ARHGAP32: variants seen among roughly 807,000 people sequenced by gnomAD.
ARHGAP32 encodes the protein rho GTPase-activating protein 32.
ARHGAP32 carries 51 observed loss-of-function variants against 186.5 expected under a neutral mutation model. That is an observed-to-expected ratio of 0.27 (90% CI 0.22 to 0.35). The LOEUF is 0.35. Ranked by LOEUF, ARHGAP32 falls within the 10% of genes least tolerant of loss-of-function variation. The pLI is 1.00. For missense variants in ARHGAP32, 2,186 were observed against 2,623.5 expected (o/e 0.83, Z 3.64); for synonymous variants, 950 against 964.3 (o/e 0.99, Z 0.27).
chr11:129,200,403 G>A (rs933199695), intron 1 of ARHGAP32, among the ~76,000 whole-genome samples: 5 of 152,066 alleles, frequency 3.3e-5, no homozygotes, highest in Non-Finnish European at 7.4e-5. Context: ...GAATCATGGG[G>A]GTGGTTCCCC....
chr11:129,082,302 G>C (rs1181284716), intron 6 of ARHGAP32, among the ~76,000 whole-genome samples: 4 of 151,764 alleles, frequency 2.6e-5, no homozygotes, highest in Non-Finnish European at 5.9e-5. Context: ...ACCAAAGCAA[G>C]ACTAAGCAAA....
intron 2 of ARHGAP32, among the ~76,000 whole-genome samples, chr11:129,135,895 T>C (rs1942926964): frequency 6.6e-6 from 1 of 152,302 alleles, no homozygotes; most frequent in African/African-American, 2.4e-5. Context: ...TTCATGACAT[T>C]GGGATAGGCG....
intron 12 of ARHGAP32, among the ~76,000 whole-genome samples, chr11:128,990,584 G>A (rs1225760203): frequency 1.3e-5 from 2 of 152,208 alleles, no homozygotes; most frequent in Non-Finnish European, 2.9e-5. Context: ...TTATGGTTAT[G>A]TAGTAAAGAT....
At chr11:129,102,690 T>C (rs1250161267) in intron 5 of ARHGAP32, among the ~76,000 whole-genome samples, 3 of 152,144 alleles carry the variant, frequency 2.0e-5, no homozygotes, top group African/African-American at 7.2e-5. Context: ...AGGACACCTA[T>C]TATCCAAAAA....
At position 128,973,025 on chromosome 11, in the gene ARHGAP32, A is replaced by G; in HGVS notation, c.3481T>C (p.Leu1161=). The change falls in exon 22 of 23, where the codon TTA becomes CTA. Residue 1161 remains leucine (L), a synonymous_variant. Transcript: ENST00000682385. ...ESGEQHHQVD[L]TGNQPHQAYL... ...GCTTGATGTGGCTGATTCCCTGTTA[A>G]GTCTACTTGGTGATGTTGCTCCCCA... is the stretch of plus-strand genomic sequence containing the variant. The G allele has an allele frequency of 1.9e-6, 3 of 1,614,096 alleles. No homozygotes were observed. Among genetic ancestry groups the G allele is most frequent in the Non-Finnish European group, 2.5e-6 (3 of 1,180,028 alleles).
intron 10 of ARHGAP32, among the ~76,000 whole-genome samples, chr11:129,043,301 T>C (rs116641636): frequency 7.2e-5 from 11 of 152,068 alleles, no homozygotes; most frequent in South Asian, 4.1e-4. Flanking sequence ...CTGGATTGAG[T>C]TGAATTATGT....
chr11:129,046,554 A>G (rs902529419), intron 10 of ARHGAP32, among the ~76,000 whole-genome samples: 1 of 152,178 alleles, frequency 6.6e-6, no homozygotes, highest in East Asian at 1.9e-4. Context: ...ACAGACTGTA[A>G]TCTGGTTCTT....
At chr11:129,093,226 A>C (rs1346148094) in intron 6 of ARHGAP32, among the ~76,000 whole-genome samples, 1 of 152,058 alleles carries the variant, frequency 6.6e-6, no homozygotes, top group Non-Finnish European at 1.5e-5. Flanking sequence ...GTGATCAATA[A>C]ATATCTTTCC....
chr11:129,222,443 GCTACA>G (rs1944724253), intron 1 of ARHGAP32, among the ~76,000 whole-genome samples: 1 of 152,134 alleles, frequency 6.6e-6, no homozygotes, highest in Admixed American at 6.6e-5. Context: ...GCTATGCCCT[GCTACA>G]CTACAAGACA....
chr11:128,971,590 G>C (rs1945375481), intron 22 of ARHGAP32: 1 of 161,118 alleles, frequency 6.2e-6, no homozygotes. Flanking sequence ...ATTCACAGTT[G>C]TACACAGTTA....
At chr11:129,273,455 T>C (rs1335511736) in intron 1 of ARHGAP32, among the ~76,000 whole-genome samples, 2 of 152,322 alleles carry the variant, frequency 1.3e-5, no homozygotes, top group South Asian at 2.1e-4. Flanking sequence ...AACTGGACCT[T>C]TGGAGACAGA....
chr11:128,986,755 G>A (rs1381619480), intron 13 of ARHGAP32, 87 bp from the exon 14 acceptor site: 11 of 1,340,842 alleles, frequency 8.2e-6, no homozygotes, highest in Non-Finnish European at 1.1e-5. Context: ...AGCTCCAAAA[G>A]TGTTCAGCTC....
intron 1 of ARHGAP32, among the ~76,000 whole-genome samples, chr11:129,188,115 C>A (rs1260245660): frequency 6.6e-6 from 1 of 152,012 alleles, no homozygotes; most frequent in Non-Finnish European, 1.5e-5. Context: ...GCCACCACAC[C>A]CAGCTAATTT....
intron 12 of ARHGAP32, among the ~76,000 whole-genome samples, chr11:128,995,448 G>C (rs994485802): frequency 6.6e-6 from 1 of 152,158 alleles, no homozygotes; most frequent in Non-Finnish European, 1.5e-5. Flanking sequence ...GGCCTCCAGC[G>C]ATCCTCCTAC....
chr11:129,230,255 G>A (rs767468427), intron 1 of ARHGAP32, among the ~76,000 whole-genome samples: 10 of 151,972 alleles, frequency 6.6e-5, no homozygotes, highest in Non-Finnish European at 1.3e-4. Flanking sequence ...TATACTGCTT[G>A]GCCAATCCAA....
At chr11:129,124,740 A>G (rs1443415416) in intron 3 of ARHGAP32, 63 bp downstream of exon 3, 1 of 1,276,794 alleles carries the variant, frequency 7.8e-7, no homozygotes, top group African/African-American at 1.5e-5. Context: ...GTTTTAAGAG[A>G]ATTGAAGAAC....
chr11:129,135,754 G>A (rs1431799486), intron 2 of ARHGAP32, among the ~76,000 whole-genome samples: 2 of 150,152 alleles, frequency 1.3e-5, no homozygotes, highest in African/African-American at 4.9e-5. Flanking sequence ...GCAACAGAGC[G>A]AGACTCCATC....
intron 2 of ARHGAP32, among the ~76,000 whole-genome samples, chr11:129,137,602 A>G (rs1942963684): frequency 6.6e-6 from 1 of 152,150 alleles, no homozygotes; most frequent in African/African-American, 2.4e-5. Flanking sequence ...GAAACTATTA[A>G]AAGAAGACGA....
intron 2 of ARHGAP32, among the ~76,000 whole-genome samples, chr11:129,156,311 C>G (rs925698511): frequency 1.3e-5 from 2 of 152,210 alleles, no homozygotes; most frequent in African/African-American, 4.8e-5. Context: ...AATCCCACCC[C>G]CAAGGAGCCC....
Sources: gnomAD v4.1 joint callset for allele counts (sites outside exome capture counted in the v4.1 genomes callset) on GRCh38, gnomAD v4.1.1 for gene constraint, MANE v1.5 for transcripts, NCBI Gene and HGNC (gene_info 2026-07-23, HGNC 2026-07-21) for gene names.